The following KIF7 variants were observed in gnomAD, a reference collection of about 807,000 sequenced individuals.
KIF7 encodes kinesin family member 7.
A neutral mutation model predicts 135.7 loss-of-function variants in KIF7; 104 were observed. The observed-to-expected ratio is 0.77, with a 90% confidence interval of 0.65 to 0.90. The LOEUF (loss-of-function observed/expected upper bound fraction) is 0.90. Among genes scored for constraint, KIF7 ranks in the 40% least tolerant of loss-of-function variants. The pLI is 0.00. For synonymous variants in KIF7, 883 were observed against 809.4 expected, an observed-to-expected ratio of 1.09 and a Z score of -1.54; for missense variants, 2,005 against 1,839.1, an observed-to-expected ratio of 1.09 and a Z score of -1.65.
chr15:89,639,110 C>A (rs1443384767), intron 11 of KIF7, among the ~76,000 whole-genome samples: 1 of 151,946 alleles, frequency 6.6e-6, no homozygotes, highest in Non-Finnish European at 1.5e-5. Flanking sequence ...GAAACTGGAT[C>A]CCTTCCTTAC....
Position 89,645,118 on chromosome 15 carries a change from C to T in KIF7, c.2086G>A (p.Ala696Thr). 1 of 1,605,636 alleles carries T rather than the reference C, an allele frequency of 6.2e-7. No individual in the cohort carries two copies. Among genetic ancestry groups the T allele is most frequent in the Non-Finnish European group, 8.5e-7 (1 of 1,179,974 alleles). ...ARVQARQVPP[A>T]TASEWRLAQA... ...GCCAGCCGCCACTCTGAGGCTGTGGCAGGGGGGACCTGGCGGGCCTGAACT... is the reference window on the plus strand; with the variant it reads ...GCCAGCCGCCACTCTGAGGCTGTGGTAGGGGGGACCTGGCGGGCCTGAACT... The change falls in exon 10 of 19, where the codon GCC becomes ACC. Residue 696 changes from alanine (A) to threonine (T), a missense_variant. By Grantham distance (58) the Ala-to-Thr change is moderately conservative. Coordinates refer to ENST00000394412, the MANE Select transcript of KIF7 (RefSeq NM_198525.3).
intron 7 of KIF7, 110 bp from the exon 8 acceptor site, chr15:89,646,136 TC>T: frequency 7.1e-7 from 1 of 1,409,578 alleles, no homozygotes; most frequent in Non-Finnish European, 9.9e-7. Context: ...ACCTTCGTGA[TC>T]CAGCTCAAAT....
downstream of KIF7, chr15:89,627,689 A>C (rs76530445): frequency 0.032 from 4,980 of 153,510 alleles, 258 homozygotes; most frequent in African/African-American, 0.11. Flanking sequence ...CCACATTTTC[A>C]AGGACTGTCC....
Position 89,652,743 on chromosome 15 carries a change from T to C in KIF7, c.188A>G (p.Glu63Gly), listed in dbSNP as rs1348446857. The change falls in exon 2 of 19, where the codon GAG (glutamate) becomes GGG (glycine). Residue 63 changes from glutamate to glycine, a missense_variant. Coordinates refer to ENST00000394412, the MANE Select transcript of KIF7 (RefSeq NM_198525.3). ...RHFGFHVVLAEDAGQEAVYQA... is the reference protein window; with the variant it reads ...RHFGFHVVLAGDAGQEAVYQA... ...GTACACGGCCTCCTGCCCCGCATCC[T>C]CGGCCAGCACCACGTGGAAGCCAAA... is the stretch of plus-strand genomic sequence containing the variant. 6.4e-7 allele frequency: 1 copy of C among 1,551,692 alleles called. No homozygotes were observed. The highest frequency in any genetic ancestry group is 2.4e-5 in the East Asian group (1 of 40,920).
At chr15:89,642,429 C>T in intron 10 of KIF7, 24 bp from the exon 11 acceptor site, 4 of 1,547,026 alleles carry the variant, frequency 2.6e-6, no homozygotes, top group Non-Finnish European at 3.5e-6. Context: ...GGAATGTCAG[C>T]ACAGGCAGCC....
chr15:89,644,979 C>A, intron 10 of KIF7, 34 bp downstream of exon 10: 2 of 1,604,852 alleles, frequency 1.2e-6, no homozygotes, highest in Non-Finnish European at 8.5e-7. Flanking sequence ...AAGTCCCCCT[C>A]GGGTGAGAGG....
intron 5 of KIF7, among the ~76,000 whole-genome samples, 173 bp downstream of exon 5, chr15:89,648,082 A>G (rs1186813815): frequency 6.6e-6 from 1 of 152,118 alleles, no homozygotes; most frequent in Non-Finnish European, 1.5e-5. Context: ...GAGACCTGAG[A>G]CTCGGTGAAG....
chr15:89,629,323 G>T lies in KIF7; in HGVS notation c.3517+52C>A. 3.6e-6 allele frequency: 5 copies of T among 1,385,648 alleles called. No individual in the cohort carries two copies. In the South Asian group the frequency reaches 7.3e-5, roughly 20 times the overall value. 85.8% of individuals were successfully genotyped at this position (1,385,648 alleles called of 1,614,324 possible). A position where few individuals can be genotyped will look rare whatever the true frequency, so the allele number is the denominator to read the frequency against. On this transcript the variant is annotated intron_variant, in intron 17 of 18. Coordinates refer to ENST00000394412, the MANE Select transcript of KIF7 (RefSeq NM_198525.3). ...GGGGTGCAGGGCGGGGAAGATGGGG[G>T]TGGGGGGGATGGAGGGGGCCGGGGT...
chr15:89,625,179 A>G, downstream of KIF7: 2 of 1,604,068 alleles, frequency 1.2e-6, no homozygotes, highest in Non-Finnish European at 1.7e-6. Flanking sequence ...CCTATGTGTC[A>G]CCCCCCTGCC....
At position 89,628,601 on chromosome 15, in the gene KIF7, C is replaced by T; in HGVS notation, c.3850G>A (p.Gly1284Ser). The T allele has an allele frequency of 6.2e-7, 1 of 1,613,446 alleles. No individual in the cohort carries two copies. Among genetic ancestry groups the T allele is most frequent in the Non-Finnish European group, 8.5e-7 (1 of 1,180,010 alleles). The change falls in exon 19 of 19, where the codon GGT becomes AGT. Residue 1284 changes from glycine to serine, a missense_variant. Coordinates refer to ENST00000394412, the MANE Select transcript of KIF7 (RefSeq NM_198525.3). ...PLTWKRSSLC[G>S]EEQGSPEELR... is the part of the protein sequence containing the mutation. ...TCCTCGGGGGACCCCTGCTCCTCAC[C>T]ACACAGGCTCGAGCGTTTCCAGGTC...
chr15:89,648,360 G>T lies in KIF7; in HGVS notation c.1338C>A (p.Ala446=), dbSNP rs1369056743. The change falls in exon 5 of 19, where the codon GCC becomes GCA. Residue 446 remains alanine, a synonymous_variant. Coordinates refer to ENST00000394412, the MANE Select transcript of KIF7 (RefSeq NM_198525.3). ...AARKVRDWLC[A]VEGERSALSS... ...TCAGGGCGCTGCGCTCGCCCTCGAC[G>T]GCGCACAGCCAGTCGCGCACCTTGC... 1 of 1,409,274 alleles carries T rather than the reference G, an allele frequency of 7.1e-7. No homozygotes were observed. The highest frequency in any genetic ancestry group is 9.3e-7 in the Non-Finnish European group (1 of 1,078,856). The allele number at this position is 1,409,274 out of a possible 1,614,324, so 87.3% of individuals were successfully genotyped here. A position where few individuals can be genotyped will look rare whatever the true frequency, so the allele number is the denominator to read the frequency against.
At chr15:89,633,924 A>G in intron 11 of KIF7, 41 bp from the exon 12 acceptor site, 1 of 1,608,470 alleles carries the variant, frequency 6.2e-7, no homozygotes, top group Non-Finnish European at 8.5e-7. Flanking sequence ...GCACGGGGCT[A>G]CCGCGAGCCT....
chr15:89,628,858 G>C, intron 18 of KIF7, 72 bp from the exon 19 acceptor site: 2 of 1,610,070 alleles, frequency 1.2e-6, no homozygotes, highest in Non-Finnish European at 1.7e-6. Context: ...GCTCCCCAGT[G>C]CCCCAGCACA....
At chr15:89,622,298 C>G (rs1217411977) in intron 1 of KIF7, among the ~76,000 whole-genome samples, 1 of 152,008 alleles carries the variant, frequency 6.6e-6, no homozygotes, top group Non-Finnish European at 1.5e-5. Context: ...CAAACTGACT[C>G]TTGTACCCAC....
At chr15:89,648,161 G>A in intron 5 of KIF7, 94 bp downstream of exon 5, 1 of 1,356,026 alleles carries the variant, frequency 7.4e-7, no homozygotes, top group South Asian at 1.7e-5. Flanking sequence ...ATGGGCAGGA[G>A]GCAGGGGCGC....
upstream of KIF7, among the ~76,000 whole-genome samples, chr15:89,657,468 T>C (rs1964220068): frequency 6.6e-6 from 1 of 152,208 alleles, no homozygotes; most frequent in African/African-American, 2.4e-5. Context: ...TTAGAAAGAT[T>C]TATCTTTTTT....
chr15:89,652,888 G>A lies in KIF7; in HGVS notation c.43C>T (p.Pro15Ser), dbSNP rs1454209591. 2 of 1,538,040 alleles carry A rather than the reference G, an allele frequency of 1.3e-6. No homozygotes were observed. Among genetic ancestry groups the A allele is most frequent in the South Asian group, 2.4e-5 (2 of 83,654 alleles). The change falls in exon 2 of 19, where the codon CCA (proline) becomes TCA (serine). Residue 15 changes from proline to serine, a missense_variant. By Grantham distance (74) the Pro-to-Ser change is moderately conservative (BLOSUM62 -1). Coordinates refer to ENST00000394412, the MANE Select transcript of KIF7 (RefSeq NM_198525.3). ...AQRLPGAEEA[P>S]VRVALRVRPL... is the part of the protein sequence containing the mutation. ...CGAACTCGCAGGGCAACCCGCACTGGGGCCTCCTCAGCCCCTGGCAGCCTC... is the reference window on the plus strand; with the variant it reads ...CGAACTCGCAGGGCAACCCGCACTGAGGCCTCCTCAGCCCCTGGCAGCCTC...
rs201280491 is a variant in KIF7, at chr15:89,645,029, G to A, written c.2175C>T (p.Gly725=). 1.2e-5 allele frequency: 19 copies of A among 1,608,044 alleles called. No individual in the cohort carries two copies. In the East Asian group the frequency reaches 2.7e-4, roughly 23 times the overall value. The change falls in exon 10 of 19, where the codon GGC becomes GGT. Residue 725 remains glycine, a synonymous_variant. Coordinates refer to ENST00000394412, the MANE Select transcript of KIF7 (RefSeq NM_198525.3). ...INIRMKEELI[G]ELVRTGKAAQ... is the part of the protein sequence containing the mutation. ...ACGCCTCACCTGTGCGGACCAGCTC[G>A]CCAATAAGCTCCTCCTTCATGCGGA...
downstream of KIF7, chr15:89,624,132 T>C: frequency 6.2e-7 from 1 of 1,613,610 alleles, no homozygotes; most frequent in Non-Finnish European, 8.5e-7. Context: ...TCCTCAGAGC[T>C]GCTCGGGCAG....
Sources: gnomAD v4.1 joint callset for allele counts (sites outside exome capture counted in the v4.1 genomes callset) on GRCh38, gnomAD v4.1.1 for gene constraint, MANE v1.5 for transcripts, NCBI Gene and HGNC (gene_info 2026-07-23, HGNC 2026-07-21) for gene names.